MAP2K2: variants seen among roughly 807,000 people sequenced by gnomAD.
MAP2K2 encodes the protein mitogen-activated protein kinase kinase 2, also known as dual specificity mitogen-activated protein kinase kinase 2.
In MAP2K2, 24 loss-of-function variants were observed where a neutral mutation model predicts 43.7. That is an observed-to-expected ratio of 0.55 (90% CI 0.40 to 0.77). MAP2K2 has a LOEUF of 0.77. Among genes scored for constraint, MAP2K2 ranks in the 30% least tolerant of loss-of-function variants. The probability of loss-of-function intolerance (pLI) is 0.00; values close to 1 mark genes in which losing one functional copy is unlikely to be tolerated. For synonymous variants in MAP2K2, 244 were observed against 239.7 expected, an observed-to-expected ratio of 1.02 and a Z score of -0.17; for missense variants, 470 against 566.8, an observed-to-expected ratio of 0.83 and a Z score of 1.73.
intron 1 of MAP2K2, among the ~76,000 whole-genome samples, chr19:4,123,506 C>G (rs2041326538): frequency 6.6e-6 from 1 of 151,998 alleles, no homozygotes. Context: ...AATCTCACTG[C>G]TCAAAGACCC....
At chr19:4,096,631 TA>T (rs1455547722) in intron 8 of MAP2K2, among the ~76,000 whole-genome samples, 1 of 152,218 alleles carries the variant, frequency 6.6e-6, no homozygotes, top group Non-Finnish European at 1.5e-5. Context: ...CAGGTCCTTC[TA>T]GGCTCTCTGG....
Position 4,095,532 on chromosome 19 carries a change from C to T in MAP2K2, c.985-83G>A, listed in dbSNP as rs1361798823. 204 of 1,201,432 alleles carry T rather than the reference C, an allele frequency of 1.7e-4. 1 individual carries two copies. The highest frequency in any genetic ancestry group is 2.0e-5 in the Admixed American group (1 of 49,092). 74.4% of individuals were successfully genotyped at this position (1,201,432 alleles called of 1,614,324 possible). On this transcript the variant is annotated intron_variant, in intron 8 of 10. Transcript: ENST00000262948. Reference sequence around the variant, plus strand: ...GCAGCCCTCTCTACCCCTCACTGTCCTGTCCGGTCACCCACCCTGCAGGCC... The same window carrying T: ...GCAGCCCTCTCTACCCCTCACTGTCTTGTCCGGTCACCCACCCTGCAGGCC...
At chr19:4,106,233 C>A (rs350905) in intron 3 of MAP2K2, among the ~76,000 whole-genome samples, 56,628 of 151,808 alleles carry the variant, frequency 0.37, 12,538 homozygotes, top group East Asian at 0.61. Flanking sequence ...TGGAGAGACC[C>A]TATCTCTACA....
In MAP2K2 at chr19:4,123,866, G is replaced by A. The variant is rs730880524; in HGVS notation, c.10C>T (p.Arg4Trp). MLA[R>W]RKPVLPALTI... is the part of the protein sequence containing the mutation. The stretch of plus-strand genomic sequence containing the variant: ...AGCGCCGGCAGCACCGGCTTCCTCC[G>A]GGCCAGCATCGGGGCTCCGCGGGCC... The change falls in exon 1 of 11, where the codon CGG becomes TGG. Residue 4 changes from arginine to tryptophan, a missense_variant. By Grantham distance (101) the Arg-to-Trp change is moderately radical. Around this residue, in one of 3 missense-constraint regions of MAP2K2, gnomAD observed 58 missense variants for 48.0 expected, o/e 1.21. Transcript: ENST00000262948. 1 of 1,489,690 alleles carries A rather than the reference G, an allele frequency of 6.7e-7. No homozygotes were observed. The highest frequency in any genetic ancestry group is 2.1e-5 in the Admixed American group (1 of 46,880). 92.3% of individuals were successfully genotyped at this position (1,489,690 alleles called of 1,614,324 possible).
At chr19:4,111,121 C>T (rs954970123) in intron 2 of MAP2K2, among the ~76,000 whole-genome samples, 2 of 152,046 alleles carry the variant, frequency 1.3e-5, no homozygotes, top group Non-Finnish European at 2.9e-5. Context: ...TGTGTGGGTG[C>T]CGGGGGCTGG....
chr19:4,108,060 C>G (rs183364656), intron 3 of MAP2K2, among the ~76,000 whole-genome samples: 8 of 152,288 alleles, frequency 5.3e-5, no homozygotes, highest in Non-Finnish European at 1.0e-4. Context: ...GCTGGGCAGG[C>G]CCTTCCATGG....
At position 4,115,690 on chromosome 19, in the gene MAP2K2, G is replaced by C. The variant is rs1369014660; in HGVS notation, c.303+1729C>G. Among the ~76,000 whole-genome samples, 3 of 152,184 alleles carry C rather than the reference G, an allele frequency of 2.0e-5. No homozygotes were observed. Among genetic ancestry groups the C allele is most frequent in the Non-Finnish European group, 4.4e-5 (3 of 68,050 alleles). ...GAGCTGCAGAGCTAAATCCCCGCAGGAGTTGAGCCGCTGCTCCCGAGGAAG... is the reference window on the plus strand; with the variant it reads ...GAGCTGCAGAGCTAAATCCCCGCAGCAGTTGAGCCGCTGCTCCCGAGGAAG... On this transcript the variant is annotated intron_variant, in intron 2 of 10. Coordinates refer to ENST00000262948, the MANE Select transcript of MAP2K2 (RefSeq NM_030662.4). The surrounding 1 kb of genome is among the most constrained non-coding windows in gnomAD (Gnocchi z 4.1).
At chr19:4,112,634 T>C (rs2041168161) in intron 2 of MAP2K2, among the ~76,000 whole-genome samples, 1 of 147,454 alleles carries the variant, frequency 6.8e-6, no homozygotes, top group Non-Finnish European at 1.5e-5. Context: ...GTCTCCCACC[T>C]TGACCGCAGC....
At position 4,113,726 on chromosome 19, in the gene MAP2K2, G is replaced by A. The variant is rs74708977; in HGVS notation, c.304-3071C>T. ...CCAGACCTGGCTCGGAGGTGGAGACGGTTGCTACAGAAGAATGAGGAATTT... is the reference window on the plus strand; with the variant it reads ...CCAGACCTGGCTCGGAGGTGGAGACAGTTGCTACAGAAGAATGAGGAATTT... On this transcript the variant is annotated intron_variant, in intron 2 of 10. Coordinates refer to ENST00000262948, the MANE Select transcript of MAP2K2 (RefSeq NM_030662.4). 1.0e-3 allele frequency among the ~76,000 whole-genome samples: 156 copies of A among 152,294 alleles called. 1 individual carries two copies. Among genetic ancestry groups the A allele is most frequent in the African/African-American group, 3.7e-3 (154 of 41,566 alleles).
chr19:4,095,363 G>A (rs747043902), intron 9 of MAP2K2, 25 bp downstream of exon 9: 1 of 1,549,544 alleles, frequency 6.5e-7, no homozygotes, highest in Non-Finnish European at 8.7e-7. Context: ...CCGGCCAGGG[G>A]TGTGGGCAGC....
chr19:4,119,284 T>C (rs1425856832), intron 1 of MAP2K2, among the ~76,000 whole-genome samples: 1 of 152,124 alleles, frequency 6.6e-6, no homozygotes, highest in Non-Finnish European at 1.5e-5. Flanking sequence ...TACAGTGGTG[T>C]GATCTTGGCT....
chr19:4,090,624 C>A lies in MAP2K2; in HGVS notation c.1177G>T (p.Gly393Cys). 1 of 1,553,142 alleles carries A rather than the reference C, an allele frequency of 6.4e-7. No homozygotes were observed. The highest frequency in any genetic ancestry group is 8.7e-7 in the Non-Finnish European group (1 of 1,148,516). Residue 393 changes from glycine (G) to cysteine (C), a missense_variant, in exon 11 of 11, where the codon GGC (glycine) becomes TGC (cysteine). Physicochemically the swap from Gly to Cys is radical, Grantham distance 159. Coordinates refer to ENST00000262948, the MANE Select transcript of MAP2K2 (RefSeq NM_030662.4). Reference sequence around the variant, plus strand: ...CACACGGCGGTGCGCGTGGGTGTGCCGGGCTGGTTCAGCCGCAGGGTTTTA... The same window carrying A: ...CACACGGCGGTGCGCGTGGGTGTGCAGGGCTGGTTCAGCCGCAGGGTTTTA... Reference protein sequence around the residue: ...LCKTLRLNQPGTPTRTAV With the variant: ...LCKTLRLNQPCTPTRTAV
intron 10 of MAP2K2, among the ~76,000 whole-genome samples, chr19:4,094,178 C>T (rs1038734464): frequency 3.9e-5 from 6 of 152,160 alleles, no homozygotes; most frequent in Non-Finnish European, 7.4e-5. Context: ...CCTGTGGGTG[C>T]GGGACCAGCA....
Position 4,099,334 on chromosome 19 carries a change from G to T in MAP2K2, c.786C>A (p.Val262=). Residue 262 remains valine, a synonymous_variant, in exon 7 of 11, where the codon GTC becomes GTA. Coordinates refer to ENST00000262948, the MANE Select transcript of MAP2K2 (RefSeq NM_030662.4). Reference sequence around the variant, plus strand: ...CGGGCGGGGGGATGGGGTACCTTCCGACGGCCAGCTCCACCAGGGACAGGC... The same window carrying T: ...CGGGCGGGGGGATGGGGTACCTTCCTACGGCCAGCTCCACCAGGGACAGGC... The part of the protein sequence containing the change: ...SMGLSLVELA[V]GRYPIPPPDA... 6.2e-7 allele frequency: 1 copy of T among 1,610,434 alleles called. No homozygotes were observed. Among genetic ancestry groups the T allele is most frequent in the South Asian group, 1.1e-5 (1 of 90,630 alleles).
At chr19:4,113,414 C>G (rs1189478099) in intron 2 of MAP2K2, among the ~76,000 whole-genome samples, 4 of 152,154 alleles carry the variant, frequency 2.6e-5, no homozygotes, top group Non-Finnish European at 5.9e-5. Context: ...GGCAGACAGA[C>G]AGACAGATGG....
At chr19:4,112,657 TGCCCCTGCCTGCCC>T (rs1465508766) in intron 2 of MAP2K2, among the ~76,000 whole-genome samples, 10 of 149,812 alleles carry the variant, frequency 6.7e-5, no homozygotes, top group East Asian at 2.0e-4. Context: ...TGGCGCTGCC[TGCCCCTGCCTGCCC>T]GCCCCTGCCT....
In MAP2K2 at chr19:4,097,361, T is replaced by C. The variant is rs370224960; in HGVS notation, c.920-18A>G. On this transcript the variant is annotated intron_variant, in intron 7 of 10. Transcript: ENST00000262948. ...CCCGTGACCTGCACAGGGAGAGAGATGGAGGTGAGATGGGCCGATGGCCAC... is the reference window on the plus strand; with the variant it reads ...CCCGTGACCTGCACAGGGAGAGAGACGGAGGTGAGATGGGCCGATGGCCAC... 1 of 1,607,796 alleles carries C rather than the reference T, an allele frequency of 6.2e-7. No homozygotes were observed. Among genetic ancestry groups the C allele is most frequent in the Non-Finnish European group, 8.5e-7 (1 of 1,175,426 alleles).
At chr19:4,103,284 C>T in intron 3 of MAP2K2, 4 of 982,916 alleles carry the variant, frequency 4.1e-6, no homozygotes, top group Non-Finnish European at 4.8e-6. Flanking sequence ...AATGATGAAA[C>T]AGAAATTCCA....
chr19:4,123,569 TC>T (rs1209727177), intron 1 of MAP2K2, among the ~76,000 whole-genome samples: 1 of 28,028 alleles, frequency 3.6e-5, no homozygotes, highest in African/African-American at 2.1e-4. Context: ...TGCCCCGTCC[TC>T]CCCCGAGGGC....
Sources: gnomAD v4.1 joint callset for allele counts (sites outside exome capture counted in the v4.1 genomes callset) on GRCh38, gnomAD v4.1.1 for gene constraint, gnomAD v4.1.1 regional missense constraint, Gnocchi (gnomAD v3.1) non-coding constraint, MANE v1.5 for transcripts, NCBI Gene and HGNC (gene_info 2026-07-23, HGNC 2026-07-21) for gene names.